The following KLF13 variants were observed in gnomAD, a reference collection of about 807,000 sequenced individuals.
KLF13 encodes KLF transcription factor 13.
Under a neutral mutation model 16.7 loss-of-function variants are expected in KLF13, and 8 were observed. The observed-to-expected ratio is 0.48, with a 90% CI of 0.28 to 0.87. KLF13 has a LOEUF of 0.87. Ranked by LOEUF, KLF13 falls within the 40% of genes least tolerant of loss-of-function variation. The pLI is 0.10. For missense variants in KLF13, 447 were observed against 452.2 expected (o/e 0.99, Z 0.10); for synonymous variants, 245 against 208.4 (o/e 1.18, Z -1.51).
chr15:31,429,781 T>C (rs1226886490), intron 1 of KLF13, among the ~76,000 whole-genome samples: 1 of 151,844 alleles, frequency 6.6e-6, no homozygotes, highest in East Asian at 1.9e-4. Context: ...TCATCCAGGC[T>C]GGAGTGCAGT....
At chr15:31,426,847 G>A (rs1414873597) in intron 1 of KLF13, among the ~76,000 whole-genome samples, 1 of 152,160 alleles carries the variant, frequency 6.6e-6, no homozygotes, top group Non-Finnish European at 1.5e-5. Flanking sequence ...GGCACCCCAG[G>A]CAGCTGGGGT....
At chr15:31,413,939 T>A (rs1016971239) in intron 1 of KLF13, among the ~76,000 whole-genome samples, 12 of 152,200 alleles carry the variant, frequency 7.9e-5, no homozygotes, top group African/African-American at 2.9e-4. Context: ...ATAACATATA[T>A]GTGAAATATA....
chr15:31,423,133 G>GTATGTATACGTATATATACGTATATA (rs2040356348), intron 1 of KLF13, among the ~76,000 whole-genome samples: 1 of 95,646 alleles, frequency 1.0e-5, no homozygotes, highest in Admixed American at 1.1e-4. Flanking sequence ...GTATATATAC[G>GTATGTATACGTATATATACGTATATA]TATACGTATA....
intron 1 of KLF13, among the ~76,000 whole-genome samples, chr15:31,434,800 A>G (rs74010632): frequency 0.088 from 13,445 of 152,216 alleles, 2,062 homozygotes; most frequent in African/African-American, 0.31. Context: ...CCCCCCGTCA[A>G]TGCCGGCGCG....
chr15:31,405,378 A>C (rs892902764), downstream of KLF13, among the ~76,000 whole-genome samples: 7 of 152,210 alleles, frequency 4.6e-5, no homozygotes, highest in Non-Finnish European at 1.0e-4. Context: ...CTGCCAGGTG[A>C]GGCCACAGCA....
chr15:31,343,263 A>C (rs1432756908), intron 1 of KLF13, among the ~76,000 whole-genome samples: 1 of 152,238 alleles, frequency 6.6e-6, no homozygotes, highest in Non-Finnish European at 1.5e-5. Flanking sequence ...GAGAAACAGC[A>C]GCAAGGTCTG....
chr15:31,345,850 G>A (rs74010617), intron 1 of KLF13, among the ~76,000 whole-genome samples: 18 of 152,246 alleles, frequency 1.2e-4, no homozygotes, highest in Admixed American at 2.0e-4. Context: ...TCAGTTTACC[G>A]GGGGCAAATG....
chr15:31,344,159 C>T (rs2039075502), intron 1 of KLF13, among the ~76,000 whole-genome samples: 1 of 152,230 alleles, frequency 6.6e-6, no homozygotes. Flanking sequence ...CCACCCTGAG[C>T]CTGTCACTCC....
At chr15:31,411,238 T>C (rs914282086) in intron 1 of KLF13, among the ~76,000 whole-genome samples, 10 of 152,170 alleles carry the variant, frequency 6.6e-5, no homozygotes, top group African/African-American at 2.4e-4. Context: ...AATTAACATA[T>C]TGAATCCAGC....
chr15:31,420,326 C>T, intron 1 of KLF13: 7 of 1,006,064 alleles, frequency 7.0e-6, no homozygotes, highest in Non-Finnish European at 1.1e-5. Context: ...AGGGACCATC[C>T]ATGGAGCAGC....
chr15:31,378,902 T>C (rs1207947039), downstream of KLF13, among the ~76,000 whole-genome samples: 2 of 152,142 alleles, frequency 1.3e-5, no homozygotes, highest in African/African-American at 4.8e-5. Flanking sequence ...GTATTTTTAG[T>C]AGAGACGAGG....
chr15:31,429,414 A>G (rs1272013593), intron 1 of KLF13, among the ~76,000 whole-genome samples: 1 of 152,204 alleles, frequency 6.6e-6, no homozygotes, highest in Non-Finnish European at 1.5e-5. Flanking sequence ...GCAGAATAGC[A>G]GATGCCAGGG....
At chr15:31,420,500 C>G (rs757106082) in intron 1 of KLF13, 2 of 646,360 alleles carry the variant, frequency 3.1e-6, no homozygotes, top group Non-Finnish European at 5.7e-6. Flanking sequence ...GTCGTCTGTA[C>G]TGTATGGCAT....
exon 2 of KLF13, chr15:31,393,685 C>T (rs982547010): frequency 6.6e-6 from 1 of 152,376 alleles, no homozygotes; most frequent in Non-Finnish European, 1.5e-5. Context: ...CTGCTTTGGC[C>T]TTGAAGGTGA....
chr15:31,372,224 G>C lies in KLF13; in HGVS notation c.792G>C (p.Ser264=). ...TGCTGCAGCGGCGCGGCGGGGGCTC[G>C]CGGACCGGCTCCCTCAGCGACTACA... The part of the protein sequence containing the change: ...PGMLQRRGGG[S]RTGSLSDYSR... The change falls in exon 2 of 2, where the codon TCG becomes TCC. Residue 264 remains serine, a synonymous_variant. Coordinates refer to ENST00000307145, the MANE Select transcript of KLF13 (RefSeq NM_015995.4). 2 of 1,593,476 alleles carry C rather than the reference G, an allele frequency of 1.3e-6. No homozygotes were observed. Among genetic ancestry groups the C allele is most frequent in the Non-Finnish European group, 1.7e-6 (2 of 1,174,366 alleles).
At chr15:31,330,024 C>T (rs1390588819) in intron 1 of KLF13, among the ~76,000 whole-genome samples, 1 of 152,190 alleles carries the variant, frequency 6.6e-6, no homozygotes, top group African/African-American at 2.4e-5. Flanking sequence ...GAGTCTGGTT[C>T]AGCATCTGGT....
chr15:31,346,512 C>T (rs527679648), intron 1 of KLF13, among the ~76,000 whole-genome samples: 151 of 152,328 alleles, frequency 9.9e-4, no homozygotes, highest in African/African-American at 3.4e-3. Context: ...AGCTCCTCCC[C>T]GGGTTCTCTT....
intron 1 of KLF13, among the ~76,000 whole-genome samples, chr15:31,386,315 C>T (rs949990838): frequency 1.4e-4 from 21 of 152,128 alleles, no homozygotes; most frequent in African/African-American, 3.9e-4. Context: ...CTAGCTAACA[C>T]GGTGAAACCC....
chr15:31,383,967 G>A (rs957951886), intron 1 of KLF13, among the ~76,000 whole-genome samples: 1 of 152,082 alleles, frequency 6.6e-6, no homozygotes, highest in African/African-American at 2.4e-5. Flanking sequence ...TAGCTTAAAT[G>A]TCCAGGAATA....
Sources: allele counts gnomAD v4.1 joint callset (sites outside exome capture counted in the v4.1 genomes callset), GRCh38; gene constraint gnomAD v4.1.1; transcripts MANE v1.5; gene names NCBI Gene and HGNC (gene_info 2026-07-23, HGNC 2026-07-21).